The following ADGRL3 variants were observed in gnomAD, a reference collection of about 807,000 sequenced individuals.
ADGRL3 encodes the protein adhesion G protein-coupled receptor L3.
Under a neutral mutation model 153.5 loss-of-function variants are expected in ADGRL3, and 62 were observed. The observed-to-expected ratio is 0.40, with a 90% CI of 0.33 to 0.50. The LOEUF (loss-of-function observed/expected upper bound fraction) is 0.50. Among genes scored for constraint, ADGRL3 ranks in the 20% least tolerant of loss-of-function variants. The probability of loss-of-function intolerance (pLI) is 0.47; values close to 1 mark genes in which losing one functional copy is unlikely to be tolerated. For synonymous variants in ADGRL3, 710 were observed against 672.5 expected, an observed-to-expected ratio of 1.06 and a Z score of -0.86; for missense variants, 1,641 against 1,859.4, an observed-to-expected ratio of 0.88 and a Z score of 2.16.
At chr4:61,708,236 C>A (rs988938786) in intron 6 of ADGRL3, among the ~76,000 whole-genome samples, 1 of 151,982 alleles carries the variant, frequency 6.6e-6, no homozygotes, top group Non-Finnish European at 1.5e-5. Flanking sequence ...TCACTTGGTA[C>A]GGAGAGGGAT....
chr4:61,906,787 G>A (rs953917415), intron 11 of ADGRL3, among the ~76,000 whole-genome samples: 14 of 151,320 alleles, frequency 9.3e-5, no homozygotes, highest in Non-Finnish European at 2.1e-4. Flanking sequence ...TAATTTAGGT[G>A]TTCTAATCAG....
chr4:61,432,590 CTTTCTT>C lies in ADGRL3; in HGVS notation c.-174+49403_-174+49408del, dbSNP rs1560622755. Among the ~76,000 whole-genome samples, 59 of 10,662 alleles carry C rather than the reference CTTTCTT, an allele frequency of 5.5e-3. 12 individuals are homozygous for C. Among genetic ancestry groups the C allele is most frequent in the South Asian group, 0.034 (8 of 234 alleles). 7.0% of individuals were successfully genotyped at this position (10,662 alleles called of 152,430 possible). On this transcript the variant is annotated intron_variant, in intron 2 of 26. Transcript: ENST00000683033. ...TTTCTCTTCCTTTCTTTCTTTCTTT[CTTTCTT>C]TCTTTCTTTCTTTCTTTCTTTCTTT...
intron 2 of ADGRL3, among the ~76,000 whole-genome samples, chr4:61,443,633 T>A (rs776733114): frequency 4.3e-4 from 66 of 152,188 alleles, no homozygotes; most frequent in Non-Finnish European, 7.5e-4. Context: ...ATGTTTTTTT[T>A]ATTTCCTTCT....
chr4:61,574,797 A>G (rs2098860126), intron 4 of ADGRL3, among the ~76,000 whole-genome samples: 1 of 151,876 alleles, frequency 6.6e-6, no homozygotes, highest in African/African-American at 2.4e-5. Context: ...TTCACTTTAT[A>G]ATCCTGAAAT....
At chr4:61,345,773 C>A (rs1018474054) in intron 1 of ADGRL3, among the ~76,000 whole-genome samples, 9 of 152,140 alleles carry the variant, frequency 5.9e-5, no homozygotes, top group African/African-American at 1.9e-4. Context: ...AAGAGAATTT[C>A]TGTATATTTG....
At chr4:61,493,363 G>A (rs1560725539) in intron 2 of ADGRL3, among the ~76,000 whole-genome samples, 6 of 152,124 alleles carry the variant, frequency 3.9e-5, no homozygotes, top group African/African-American at 9.7e-5. Flanking sequence ...AATGTCAAAT[G>A]TCCGAGTAGA....
At position 62,028,389 on chromosome 4, in the gene ADGRL3, T is replaced by C. The variant is rs918200343; in HGVS notation, c.3396-466T>C. 1.1e-4 allele frequency among the ~76,000 whole-genome samples: 17 copies of C among 151,730 alleles called. No homozygotes were observed. The Admixed American group carries it at 1.1e-3, about 10-fold the overall frequency. ...GTTAAGATTTAACTCAGGTCAATCA[T>C]CTCCAAGTTAAAATTACTTAGAAGC... On this transcript the variant is annotated intron_variant, in intron 21 of 26. Coordinates refer to ENST00000683033, the MANE Select transcript of ADGRL3 (RefSeq NM_001387552.1).
chr4:61,399,578 G>A (rs909996360), intron 2 of ADGRL3, among the ~76,000 whole-genome samples: 1 of 151,554 alleles, frequency 6.6e-6, no homozygotes, highest in African/African-American at 2.4e-5. Context: ...TCAACAAATA[G>A]TAAGAGAAAT....
intron 8 of ADGRL3, among the ~76,000 whole-genome samples, chr4:61,774,460 A>G (rs548806099): frequency 1.3e-5 from 2 of 152,190 alleles, no homozygotes; most frequent in Admixed American, 6.5e-5. Flanking sequence ...ACAATACAGT[A>G]TAACAACTGT....
At chr4:61,370,117 T>A (rs1347373081) in intron 1 of ADGRL3, among the ~76,000 whole-genome samples, 6 of 152,208 alleles carry the variant, frequency 3.9e-5, no homozygotes, top group Non-Finnish European at 8.8e-5. Flanking sequence ...GATTCTTCTC[T>A]CTTTTTTTCT....
intron 8 of ADGRL3, among the ~76,000 whole-genome samples, chr4:61,811,576 CTG>C (rs1360743583): frequency 6.6e-6 from 1 of 151,938 alleles, no homozygotes; most frequent in Non-Finnish European, 1.5e-5. Flanking sequence ...GTTTGCATAA[CTG>C]TGAATATATT....
At chr4:61,296,963 G>C (rs1044679014) in intron 1 of ADGRL3, among the ~76,000 whole-genome samples, 3 of 151,762 alleles carry the variant, frequency 2.0e-5, no homozygotes, top group South Asian at 4.2e-4. Context: ...ATTTGAAAAC[G>C]GTCACTATTT....
chr4:61,578,416 C>T lies in ADGRL3; in HGVS notation c.260-8811C>T, dbSNP rs1421537931. ...TCATATTGCCCTAAATAGCTCATTC[C>T]AGTATCTTCCTCATTAATACCCACA... On this transcript the variant is annotated intron_variant, in intron 4 of 26. Transcript: ENST00000683033. Among the ~76,000 whole-genome samples the T allele has an allele frequency of 2.6e-5, 4 of 152,016 alleles. No individual in the cohort carries two copies. In the South Asian group the frequency reaches 6.2e-4, roughly 24 times the overall value.
chr4:61,248,326 T>G (rs1036265812), intron 1 of ADGRL3, among the ~76,000 whole-genome samples: 5 of 152,144 alleles, frequency 3.3e-5, no homozygotes, highest in African/African-American at 1.2e-4. Flanking sequence ...TAAATTAAAT[T>G]ATTGCTTATG....
chr4:61,506,895 G>A (rs373087840), intron 3 of ADGRL3, among the ~76,000 whole-genome samples: 2 of 151,746 alleles, frequency 1.3e-5, no homozygotes, highest in African/African-American at 4.8e-5. Flanking sequence ...GATGATGTGA[G>A]GAAAAAACCT....
At chr4:61,618,751 C>T (rs1354793871) in intron 5 of ADGRL3, among the ~76,000 whole-genome samples, 4 of 152,142 alleles carry the variant, frequency 2.6e-5, no homozygotes, top group African/African-American at 9.7e-5. Flanking sequence ...AAGTCTCACT[C>T]CATCACCCAA....
chr4:62,016,392 G>A (rs538975830), intron 21 of ADGRL3, among the ~76,000 whole-genome samples: 1 of 151,990 alleles, frequency 6.6e-6, no homozygotes, highest in African/African-American at 2.4e-5. Flanking sequence ...TTTACAATTC[G>A]TGTTACAATC....
At chr4:61,824,778 A>T (rs551234507) in intron 9 of ADGRL3, among the ~76,000 whole-genome samples, 15 of 152,358 alleles carry the variant, frequency 9.8e-5, no homozygotes, top group African/African-American at 3.4e-4. Context: ...ATCTTCTTGA[A>T]TATAACAATT....
At chr4:61,315,046 T>C (rs1267046231) in intron 1 of ADGRL3, among the ~76,000 whole-genome samples, 1 of 152,222 alleles carries the variant, frequency 6.6e-6, no homozygotes, top group Non-Finnish European at 1.5e-5. Context: ...TGATCTAACC[T>C]GGGTTATGAA....
Sources: gnomAD v4.1 joint callset for allele counts (sites outside exome capture counted in the v4.1 genomes callset) on GRCh38, gnomAD v4.1.1 for gene constraint, MANE v1.5 for transcripts, NCBI Gene and HGNC (gene_info 2026-07-23, HGNC 2026-07-21) for gene names.